Variants in BTRC observed in about 807,000 individuals in gnomAD.
The protein encoded by BTRC is beta-transducin repeat containing E3 ubiquitin protein ligase.
BTRC carries 42 observed loss-of-function variants against 85.5 expected under a neutral mutation model. The ratio of observed to expected loss-of-function variants is 0.49; its 90% CI spans 0.38 to 0.64. The LOEUF is 0.64. BTRC is among the 30% of genes least tolerant of loss of function. The pLI is 0.00. For synonymous variants in BTRC, 255 were observed against 263.3 expected, an observed-to-expected ratio of 0.97 and a Z score of 0.30; for missense variants, 594 against 743.5, an observed-to-expected ratio of 0.80 and a Z score of 2.34.
chr10:101,464,986 T>TG (rs1945334324), intron 3 of BTRC, among the ~76,000 whole-genome samples: 1 of 152,166 alleles, frequency 6.6e-6, no homozygotes, highest in Admixed American at 6.6e-5. Context: ...GCCCTGAACT[T>TG]GATTACCCCA....
chr10:101,460,228 TA>T (rs34116873), intron 2 of BTRC, among the ~76,000 whole-genome samples: 10,192 of 147,860 alleles, frequency 0.069, 353 homozygotes, highest in Non-Finnish European at 0.076. Flanking sequence ...TCTTTACATT[TA>T]AAAAAAAAAA....
At chr10:101,354,877 G>C (rs920948660) in intron 1 of BTRC, among the ~76,000 whole-genome samples, 3 of 152,170 alleles carry the variant, frequency 2.0e-5, no homozygotes, top group Non-Finnish European at 4.4e-5. Context: ...AGAAGATAAG[G>C]ACTGGGAATG....
chr10:101,474,260 A>G (rs577830829), intron 3 of BTRC, among the ~76,000 whole-genome samples: 1 of 152,300 alleles, frequency 6.6e-6, no homozygotes, highest in South Asian at 2.1e-4. Flanking sequence ...CTGGCTGATC[A>G]CTATGACCTT....
intron 13 of BTRC, among the ~76,000 whole-genome samples, chr10:101,541,997 T>C (rs2062476208): frequency 6.6e-6 from 1 of 152,242 alleles, no homozygotes; most frequent in Non-Finnish European, 1.5e-5. Flanking sequence ...TATGTGATAT[T>C]ATGCTTCTTT....
intron 4 of BTRC, among the ~76,000 whole-genome samples, chr10:101,499,913 A>C (rs1260847663): frequency 6.6e-6 from 1 of 151,980 alleles, no homozygotes; most frequent in Non-Finnish European, 1.5e-5. Context: ...AGGGCACTTG[A>C]TGGACTTTCG....
At chr10:101,404,010 A>G (rs1232112950) in intron 1 of BTRC, among the ~76,000 whole-genome samples, 5,209 of 49,994 alleles carry the variant, frequency 0.1, 1,074 homozygotes, top group Middle Eastern at 0.21. Flanking sequence ...GTGTATATAT[A>G]TATATATATA....
chr10:101,369,423 A>G (rs1478600630), intron 1 of BTRC, among the ~76,000 whole-genome samples: 2 of 151,710 alleles, frequency 1.3e-5, no homozygotes, highest in Non-Finnish European at 2.9e-5. Flanking sequence ...ATTGTTCCCT[A>G]TTTGGCCAGT....
At chr10:101,506,062 G>A (rs769306774) in intron 4 of BTRC, among the ~76,000 whole-genome samples, 4 of 151,954 alleles carry the variant, frequency 2.6e-5, no homozygotes, top group African/African-American at 7.2e-5. Context: ...TACCGGTGCC[G>A]GCCACCATGC....
chr10:101,362,277 A>G (rs979854276), intron 1 of BTRC, among the ~76,000 whole-genome samples: 1 of 150,614 alleles, frequency 6.6e-6, no homozygotes, highest in African/African-American at 2.4e-5. Context: ...ATTTCTTTCT[A>G]AAGTCTTGCT....
At chr10:101,377,144 G>A (rs1002663955) in intron 1 of BTRC, among the ~76,000 whole-genome samples, 7 of 152,084 alleles carry the variant, frequency 4.6e-5, no homozygotes, top group African/African-American at 1.4e-4. Context: ...AAATGGAACC[G>A]TGCAATATGA....
rs11190979 is a variant in BTRC, at chr10:101,387,729, G to A, written c.48+33501G>A. ...TCTTGAGACGGAGTCTTGCTCTGTC[G>A]CCCAGGCTGAAGTGCGGTGGCGCGA... On this transcript the variant is annotated intron_variant, in intron 1 of 14. Transcript: ENST00000370187. 7.0e-3 allele frequency among the ~76,000 whole-genome samples: 1,060 copies of A among 150,540 alleles called. 14 individuals carry two copies. The highest frequency in any genetic ancestry group is 0.021 in the African/African-American group (868 of 40,774).
chr10:101,425,448 A>T (rs1589450991), intron 1 of BTRC, among the ~76,000 whole-genome samples: 1 of 152,134 alleles, frequency 6.6e-6, no homozygotes, highest in South Asian at 2.1e-4. Flanking sequence ...TGAGCTGAAG[A>T]AACTAATATG....
At chr10:101,489,445 A>G (rs1433844964) in intron 4 of BTRC, among the ~76,000 whole-genome samples, 1 of 152,072 alleles carries the variant, frequency 6.6e-6, no homozygotes, top group African/African-American at 2.4e-5. Context: ...TTATGGGTGT[A>G]AATATTCTCC....
At chr10:101,427,419 G>A (rs1164821518) in intron 1 of BTRC, among the ~76,000 whole-genome samples, 1 of 149,072 alleles carries the variant, frequency 6.7e-6, no homozygotes, top group African/African-American at 2.5e-5. Flanking sequence ...CCCAGCCTGT[G>A]TACAGCATTT....
At chr10:101,368,272 G>A (rs372264785) in intron 1 of BTRC, among the ~76,000 whole-genome samples, 77 of 151,940 alleles carry the variant, frequency 5.1e-4, no homozygotes, top group Middle Eastern at 3.4e-3. Flanking sequence ...GCTCCTCTTC[G>A]CCCTCCACCG....
chr10:101,537,346 G>T (rs529957862), intron 12 of BTRC, among the ~76,000 whole-genome samples: 1 of 152,070 alleles, frequency 6.6e-6, no homozygotes, highest in Non-Finnish European at 1.5e-5. Context: ...TGGCCAACAT[G>T]GCAAAACCCA....
intron 1 of BTRC, among the ~76,000 whole-genome samples, chr10:101,423,787 C>T (rs1237132807): frequency 6.6e-6 from 1 of 152,150 alleles, no homozygotes; most frequent in Non-Finnish European, 1.5e-5. Context: ...TTTACTTATC[C>T]TCTTTTTGTA....
chr10:101,551,017 A>G, intron 14 of BTRC, 126 bp downstream of exon 14: 7 of 811,570 alleles, frequency 8.6e-6, no homozygotes, highest in Non-Finnish European at 1.3e-5. Flanking sequence ...CCGAGGAAGC[A>G]GACAATGTGA....
chr10:101,530,399 C>A (rs1165450248), intron 6 of BTRC, among the ~76,000 whole-genome samples: 2 of 152,086 alleles, frequency 1.3e-5, no homozygotes, highest in East Asian at 3.8e-4. Context: ...AGCCACCACA[C>A]CTTACCCTGT....
Sources: allele counts gnomAD v4.1 joint callset (sites outside exome capture counted in the v4.1 genomes callset), GRCh38; gene constraint gnomAD v4.1.1; transcripts MANE v1.5; gene names NCBI Gene and HGNC (gene_info 2026-07-23, HGNC 2026-07-21).